The following SLC39A11 variants were observed in gnomAD, a reference collection of about 807,000 sequenced individuals.
SLC39A11 encodes zinc transporter ZIP11.
Under a neutral mutation model 36.1 loss-of-function variants are expected in SLC39A11, and 33 were observed. The ratio of observed to expected loss-of-function variants is 0.91; its 90% CI spans 0.69 to 1.22. The LOEUF is 1.22. SLC39A11 is among the 50% of genes most tolerant of loss of function. The pLI is 0.00. For synonymous variants in SLC39A11, 166 were observed against 170.3 expected (o/e 0.97, Z 0.20); for missense variants, 432 against 430.3 (o/e 1.00, Z -0.03).
chr17:72,695,122 A>T (rs746518585), intron 7 of SLC39A11, among the ~76,000 whole-genome samples: 3 of 152,218 alleles, frequency 2.0e-5, no homozygotes, highest in Non-Finnish European at 4.4e-5. Flanking sequence ...AGAAGGGTAG[A>T]AACGGGAAGT....
At chr17:72,956,249 C>A (rs192570245) in intron 4 of SLC39A11, among the ~76,000 whole-genome samples, 1 of 152,350 alleles carries the variant, frequency 6.6e-6, no homozygotes, top group Admixed American at 6.5e-5. Flanking sequence ...CTCAAACTAT[C>A]TTGTGAGAGA....
chr17:72,868,033 C>G (rs1432176704), intron 5 of SLC39A11, among the ~76,000 whole-genome samples: 1 of 152,212 alleles, frequency 6.6e-6, no homozygotes, highest in Non-Finnish European at 1.5e-5. Context: ...GTCTTGCTTC[C>G]TGGAACACCT....
At chr17:72,715,547 G>A (rs79349440) in intron 7 of SLC39A11, among the ~76,000 whole-genome samples, 8,512 of 152,196 alleles carry the variant, frequency 0.056, 266 homozygotes, top group Middle Eastern at 0.13. Flanking sequence ...GGACACAAAG[G>A]GACAAATACT....
chr17:72,850,702 C>G (rs1164206333), intron 5 of SLC39A11, among the ~76,000 whole-genome samples: 4 of 152,086 alleles, frequency 2.6e-5, no homozygotes, highest in Non-Finnish European at 5.9e-5. Flanking sequence ...TTTTCTGATT[C>G]GTAAAACTAG....
intron 5 of SLC39A11, among the ~76,000 whole-genome samples, chr17:72,859,236 C>T (rs1236962033): frequency 6.6e-6 from 1 of 152,186 alleles, no homozygotes; most frequent in Non-Finnish European, 1.5e-5. Flanking sequence ...CACACAAATA[C>T]AAAGCACCTA....
chr17:72,655,836 G>T (rs916190031), intron 7 of SLC39A11, among the ~76,000 whole-genome samples: 1 of 152,174 alleles, frequency 6.6e-6, no homozygotes, highest in Non-Finnish European at 1.5e-5. Context: ...CCGTGGCAGG[G>T]ATAGTCTCTC....
intron 3 of SLC39A11, among the ~76,000 whole-genome samples, chr17:73,042,419 A>G (rs1485027901): frequency 6.6e-6 from 1 of 152,212 alleles, no homozygotes; most frequent in African/African-American, 2.4e-5. Context: ...TGTTTATTGA[A>G]CCAAAGGAAC....
chr17:72,734,475 C>T (rs1422089416), intron 7 of SLC39A11, among the ~76,000 whole-genome samples: 2 of 152,128 alleles, frequency 1.3e-5, no homozygotes, highest in Non-Finnish European at 2.9e-5. Context: ...TCCAGTGATG[C>T]TTGTATAGCA....
chr17:72,945,440 T>C (rs1398688126), intron 5 of SLC39A11, among the ~76,000 whole-genome samples: 1 of 152,198 alleles, frequency 6.6e-6, no homozygotes, highest in Non-Finnish European at 1.5e-5. Context: ...CAAATCCAGA[T>C]GGTACAAATA....
intron 5 of SLC39A11, among the ~76,000 whole-genome samples, chr17:72,908,383 C>T (rs1016071536): frequency 2.6e-5 from 4 of 152,180 alleles, no homozygotes; most frequent in African/African-American, 4.8e-5. Context: ...TCCTTCAAAT[C>T]GCTGCTGCAA....
intron 5 of SLC39A11, among the ~76,000 whole-genome samples, chr17:72,908,249 G>A (rs1048500031): frequency 6.6e-6 from 1 of 152,234 alleles, no homozygotes; most frequent in Admixed American, 6.5e-5. Flanking sequence ...ATCCACAGGT[G>A]TGAATGGGTT....
At chr17:72,837,699 T>C (rs1409587814) in intron 6 of SLC39A11, 1 of 202,876 alleles carries the variant, frequency 4.9e-6, no homozygotes, top group Non-Finnish European at 9.8e-6. Context: ...AATAGAGTAT[T>C]ATCTGGCCAG....
intron 4 of SLC39A11, among the ~76,000 whole-genome samples, chr17:73,022,595 TAAAAAAAAA>T (rs10675859): frequency 8.8e-5 from 5 of 56,764 alleles, no homozygotes; most frequent in East Asian, 6.7e-4. Context: ...AACTCCATCT[TAAAAAAAAA>T]AAAAAAAAAA....
chr17:72,905,206 C>G (rs1438793977), intron 5 of SLC39A11, among the ~76,000 whole-genome samples: 3 of 128,352 alleles, frequency 2.3e-5, no homozygotes, highest in Non-Finnish European at 3.2e-5. Flanking sequence ...AAAGATAGCA[C>G]AGGCCATGAT....
chr17:73,047,990 A>AATATATATATATATAT (rs151142811), intron 3 of SLC39A11, among the ~76,000 whole-genome samples: 22 of 58,688 alleles, frequency 3.7e-4, no homozygotes, highest in South Asian at 6.8e-4. Context: ...AAAAAAAAAA[A>AATATATATATATATAT]ATATATATAT....
intron 5 of SLC39A11, among the ~76,000 whole-genome samples, chr17:72,929,313 T>C (rs1299964743): frequency 1.3e-5 from 2 of 152,184 alleles, no homozygotes; most frequent in East Asian, 3.9e-4. Flanking sequence ...CCAGCAGTGC[T>C]AAGCATGCTG....
intron 5 of SLC39A11, among the ~76,000 whole-genome samples, chr17:72,886,964 G>A (rs1479035376): frequency 1.3e-5 from 2 of 152,152 alleles, no homozygotes; most frequent in African/African-American, 4.8e-5. Context: ...TCATCTTACA[G>A]GGGTCTTCCC....
chr17:72,956,749 G>A (rs1292148958), intron 4 of SLC39A11, among the ~76,000 whole-genome samples: 1 of 152,046 alleles, frequency 6.6e-6, no homozygotes, highest in Non-Finnish European at 1.5e-5. Context: ...AAGTTTTTCT[G>A]ACCTATGTTA....
At chr17:72,963,020 T>A (rs933711686) in intron 4 of SLC39A11, among the ~76,000 whole-genome samples, 1 of 152,164 alleles carries the variant, frequency 6.6e-6, no homozygotes, top group African/African-American at 2.4e-5. Flanking sequence ...CACCTCACTA[T>A]GCCAGGCCCA....
Sources: gnomAD v4.1 joint callset for allele counts (sites outside exome capture counted in the v4.1 genomes callset) on GRCh38, gnomAD v4.1.1 for gene constraint, MANE v1.5 for transcripts, NCBI Gene and HGNC (gene_info 2026-07-23, HGNC 2026-07-21) for gene names.